Variants in CSNK1G3 observed in about 807,000 individuals in gnomAD.
The protein encoded by CSNK1G3 is casein kinase I isoform gamma-3.
In CSNK1G3, 23 loss-of-function variants were observed where a neutral mutation model predicts 64.3. The ratio of observed to expected loss-of-function variants is 0.36; its 90% confidence interval spans 0.26 to 0.51. CSNK1G3 has a LOEUF of 0.51. Ranked by LOEUF, CSNK1G3 falls within the 20% of genes least tolerant of loss-of-function variation. CSNK1G3 has a pLI of 0.96. For synonymous variants in CSNK1G3, 158 were observed against 162.2 expected (o/e 0.97, Z 0.20); for missense variants, 357 against 510.5 (o/e 0.70, Z 2.90).
At chr5:123,612,497 G>GTTA (rs1561639107) in intron 12 of CSNK1G3, among the ~76,000 whole-genome samples, 1 of 149,078 alleles carries the variant, frequency 6.7e-6, no homozygotes, top group African/African-American at 2.5e-5. Flanking sequence ...TTTTTTTTTG[G>GTTA]AACAGAGTCT....
At chr5:123,614,129 A>G (rs531775554) in intron 12 of CSNK1G3, among the ~76,000 whole-genome samples, 10 of 152,328 alleles carry the variant, frequency 6.6e-5, no homozygotes, top group African/African-American at 2.4e-4. Context: ...TATGTTGCAT[A>G]GAATGTCTTG....
chr5:123,552,905 T>C, intron 2 of CSNK1G3: 1 of 342,644 alleles, frequency 2.9e-6, no homozygotes, highest in Non-Finnish European at 5.4e-6. Context: ...TATCACTTTC[T>C]ACTCTGAATC....
intron 1 of CSNK1G3, among the ~76,000 whole-genome samples, chr5:123,524,244 G>A (rs910563992): frequency 5.9e-5 from 9 of 152,084 alleles, no homozygotes; most frequent in African/African-American, 2.2e-4. Context: ...ATTAACTCTG[G>A]TCCTGTGGGT....
At chr5:123,569,419 T>C (rs899590563) in intron 4 of CSNK1G3, among the ~76,000 whole-genome samples, 39 of 152,296 alleles carry the variant, frequency 2.6e-4, no homozygotes, top group African/African-American at 8.4e-4. Flanking sequence ...CCAAAAAACT[T>C]TTTCTATTCT....
chr5:123,614,532 C>T, exon 13 of CSNK1G3: 3 of 614,550 alleles, frequency 4.9e-6, no homozygotes, highest in South Asian at 3.3e-5. Context: ...TTTCATACTT[C>T]ATTTTGTGGT....
rs756740618 is a variant in CSNK1G3 at position 123,590,493 on chromosome 5, A to G, written c.925A>G (p.Thr309Ala). The G allele has an allele frequency of 6.3e-5, 97 of 1,542,910 alleles. 1 individual carries two copies. The highest frequency in any genetic ancestry group is 2.3e-4 in the Admixed American group (11 of 46,944). The change falls in exon 9 of 13, where the codon ACT becomes GCT. Residue 309 changes from threonine (T) to alanine (A), a missense_variant. This residue lies in a region of CSNK1G3 where 187 missense variants were observed against 217.1 expected (regional missense o/e 0.86). Coordinates refer to ENST00000345990, the Ensembl canonical transcript of CSNK1G3. ...CTATGACTACTTAAGAAAGCTTTTT[A>G]CTGACTTGTTTGATCGAAAAGGATA...
chr5:123,616,144 A>G (rs955181285), exon 13 of CSNK1G3: 4 of 152,428 alleles, frequency 2.6e-5, no homozygotes, highest in African/African-American at 7.3e-5. Context: ...AATTTGGTCA[A>G]CAGTTTCTAT....
intron 4 of CSNK1G3, among the ~76,000 whole-genome samples, chr5:123,570,740 T>C (rs1362267203): frequency 1.3e-5 from 2 of 152,222 alleles, no homozygotes; most frequent in South Asian, 2.1e-4. Flanking sequence ...CTGGTTTCCA[T>C]GCACCCTGCA....
chr5:123,575,655 C>A, intron 5 of CSNK1G3, 74 bp from the exon 6 acceptor site: 1 of 827,186 alleles, frequency 1.2e-6, no homozygotes, highest in Non-Finnish European at 2.0e-6. Context: ...TTCATTCTGT[C>A]TTGCCTTTAT....
At chr5:123,601,637 T>C (rs1283393878) in intron 10 of CSNK1G3, among the ~76,000 whole-genome samples, 1 of 152,212 alleles carries the variant, frequency 6.6e-6, no homozygotes, top group Non-Finnish European at 1.5e-5. Flanking sequence ...AGTGTATATA[T>C]AGTCACTGTT....
chr5:123,600,601 G>C (rs1298911802), intron 10 of CSNK1G3, among the ~76,000 whole-genome samples: 1 of 151,012 alleles, frequency 6.6e-6, no homozygotes, highest in African/African-American at 2.4e-5. Flanking sequence ...CTTCAGCCTG[G>C]GTGACCGAAT....
intron 6 of CSNK1G3, among the ~76,000 whole-genome samples, chr5:123,577,355 G>C (rs1052538772): frequency 6.6e-6 from 1 of 151,958 alleles, no homozygotes; most frequent in Non-Finnish European, 1.5e-5. Context: ...GGAAATGTTT[G>C]TGCATATATG....
intron 4 of CSNK1G3, among the ~76,000 whole-genome samples, chr5:123,562,387 T>A (rs1173539825): frequency 6.6e-6 from 1 of 152,148 alleles, no homozygotes; most frequent in Non-Finnish European, 1.5e-5. Flanking sequence ...GATAATGATA[T>A]GTTCATCTTT....
At chr5:123,587,590 T>C (rs1791565439) in intron 6 of CSNK1G3, among the ~76,000 whole-genome samples, 1 of 152,214 alleles carries the variant, frequency 6.6e-6, no homozygotes, top group African/African-American at 2.4e-5. Context: ...TTACACACAA[T>C]ACTCCATAAT....
intron 10 of CSNK1G3, among the ~76,000 whole-genome samples, chr5:123,594,742 G>A (rs995997888): frequency 2.0e-5 from 3 of 151,872 alleles, no homozygotes; most frequent in Non-Finnish European, 4.4e-5. Flanking sequence ...TACCTTTCTG[G>A]TTCTTTATTA....
intron 1 of CSNK1G3, among the ~76,000 whole-genome samples, chr5:123,541,769 G>T (rs1269861789): frequency 6.6e-6 from 1 of 152,018 alleles, no homozygotes; most frequent in Admixed American, 6.6e-5. Context: ...GTTTGTAGTT[G>T]AGTCTTGCTT....
chr5:123,526,874 GTGTGTGTA>G (rs377096812), intron 1 of CSNK1G3, among the ~76,000 whole-genome samples: 9,369 of 134,056 alleles, frequency 0.07, 372 homozygotes, highest in South Asian at 0.11. Context: ...GTGTGTGTGT[GTGTGTGTA>G]TGAACATAAT....
chr5:123,527,739 A>T (rs1054368406), intron 1 of CSNK1G3, among the ~76,000 whole-genome samples: 1 of 152,208 alleles, frequency 6.6e-6, no homozygotes, highest in African/African-American at 2.4e-5. Context: ...ACTTTTCTGG[A>T]TGTACTTTCT....
rs565913146 is a variant in CSNK1G3 at position 123,604,546 on chromosome 5, C to T, written c.1087-178C>T. 1.8e-4 allele frequency among the ~76,000 whole-genome samples: 27 copies of T among 152,092 alleles called. 1 individual carries two copies. In the South Asian group the frequency reaches 5.2e-3, roughly 29 times the overall value. On this transcript the variant is annotated intron_variant, in intron 10 of 12. Coordinates refer to ENST00000345990, the Ensembl canonical transcript of CSNK1G3. Reference sequence around the variant, plus strand: ...CTTTAATCTTTAATAAAATGCTAGACCAATTACTGTATTTAGTTATGAACA... The same window carrying T: ...CTTTAATCTTTAATAAAATGCTAGATCAATTACTGTATTTAGTTATGAACA...
Sources: allele counts gnomAD v4.1 joint callset (sites outside exome capture counted in the v4.1 genomes callset), GRCh38; gene constraint gnomAD v4.1.1; regional missense constraint gnomAD v4.1.1; transcripts MANE v1.5; gene names NCBI Gene and HGNC (gene_info 2026-07-23, HGNC 2026-07-21).